Variants in LRBA observed in about 807,000 individuals in gnomAD.
LRBA encodes lipopolysaccharide-responsive and beige-like anchor protein.
LRBA carries 176 observed loss-of-function variants against 330.0 expected under a neutral mutation model. That is an observed-to-expected ratio of 0.53 (90% confidence interval 0.47 to 0.60). The LOEUF (loss-of-function observed/expected upper bound fraction) is 0.60. Ranked by LOEUF, LRBA falls within the 20% of genes least tolerant of loss-of-function variation. The probability of loss-of-function intolerance (pLI) is 0.00; values close to 1 mark genes in which losing one functional copy is unlikely to be tolerated. For missense variants in LRBA, 3,259 were observed against 3,444.8 expected (o/e 0.95, Z 1.35); for synonymous variants, 1,230 against 1,193.0 (o/e 1.03, Z -0.64).
intron 2 of LRBA, among the ~76,000 whole-genome samples, chr4:150,951,363 T>A (rs1050738109): frequency 1.3e-5 from 2 of 151,406 alleles, no homozygotes; most frequent in Non-Finnish European, 2.9e-5. Flanking sequence ...AGACTCAACA[T>A]CATCTTTTTA....
chr4:150,942,746 C>T (rs1735815384), intron 2 of LRBA, among the ~76,000 whole-genome samples: 2 of 152,092 alleles, frequency 1.3e-5, no homozygotes, highest in South Asian at 4.2e-4. Flanking sequence ...TCAATTATCA[C>T]ATCTAGCTGA....
chr4:150,382,975 C>T (rs1235765157), intron 47 of LRBA, among the ~76,000 whole-genome samples: 3 of 152,006 alleles, frequency 2.0e-5, no homozygotes, highest in Non-Finnish European at 4.4e-5. Context: ...TGAAATATGC[C>T]AAGATTATTT....
chr4:150,539,574 G>C (rs1765093286), intron 40 of LRBA, among the ~76,000 whole-genome samples: 2 of 152,154 alleles, frequency 1.3e-5, no homozygotes, highest in Admixed American at 1.3e-4. Context: ...GTCGAAAGGA[G>C]ATTCACAGTA....
At chr4:150,312,896 A>C (rs1453855656) in intron 51 of LRBA, among the ~76,000 whole-genome samples, 2 of 152,058 alleles carry the variant, frequency 1.3e-5, no homozygotes, top group Non-Finnish European at 2.9e-5. Flanking sequence ...ATCTATAAAA[A>C]CAAGTAAGAT....
intron 47 of LRBA, among the ~76,000 whole-genome samples, chr4:150,398,597 A>G (rs578185215): frequency 1.4e-3 from 213 of 152,182 alleles, no homozygotes; most frequent in African/African-American, 4.9e-3. Context: ...TCTTACACCT[A>G]AACATTTTAG....
At position 150,486,079 on chromosome 4, in the gene LRBA, G is replaced by A. The variant is rs77398679; in HGVS notation, c.6551+1653C>T. On this transcript the variant is annotated intron_variant, in intron 42 of 56. Coordinates refer to ENST00000651943, the MANE Select transcript of LRBA (RefSeq NM_001364905.1). ...AAATTGCTAAGAGAGTAGATCTTAAGTATTCTCACCACAGACACACACACA... is the reference window on the plus strand; with the variant it reads ...AAATTGCTAAGAGAGTAGATCTTAAATATTCTCACCACAGACACACACACA... Among the ~76,000 whole-genome samples the A allele has an allele frequency of 4.2e-3, 642 of 151,854 alleles. 3 individuals are homozygous for A. The highest frequency in any genetic ancestry group is 0.015 in the African/African-American group (621 of 41,476).
rs952906518 is a variant in LRBA at position 150,815,021 on chromosome 4, T to C, written c.5305+2103A>G. On this transcript the variant is annotated intron_variant, in intron 31 of 56. Transcript: ENST00000651943. The stretch of plus-strand genomic sequence containing the variant: ...ACTCCAAGACTTAAATTTTAAAGAA[T>C]AGACTTAAAAGCAATCAAAGGGTCC... Among the ~76,000 whole-genome samples, 6 of 152,026 alleles carry C rather than the reference T, an allele frequency of 3.9e-5. No individual in the cohort carries two copies. In the South Asian group the frequency reaches 8.3e-4, roughly 21 times the overall value.
intron 2 of LRBA, among the ~76,000 whole-genome samples, chr4:151,009,082 G>C (rs1441980025): frequency 1.5e-5 from 2 of 136,870 alleles, no homozygotes; most frequent in African/African-American, 2.8e-5. Flanking sequence ...GCACAGGCTG[G>C]TGTTGAACTT....
intron 17 of LRBA, among the ~76,000 whole-genome samples, chr4:150,884,831 T>A (rs1181700382): frequency 6.6e-6 from 1 of 151,930 alleles, no homozygotes; most frequent in African/African-American, 2.4e-5. Context: ...TAATCAAAAA[T>A]AACTTGTAAG....
rs191737101 is a variant in LRBA at position 150,827,910 on chromosome 4, G to A, written c.5171+270C>T. ...AGCCACTGCACCTGGCCTTCCTTATGATTTTCTTAATAACATGTTCTTTTT... is the reference window on the plus strand; with the variant it reads ...AGCCACTGCACCTGGCCTTCCTTATAATTTTCTTAATAACATGTTCTTTTT... On this transcript the variant is annotated intron_variant, in intron 30 of 56. Coordinates refer to ENST00000651943, the MANE Select transcript of LRBA (RefSeq NM_001364905.1). 1.2e-3 allele frequency among the ~76,000 whole-genome samples: 188 copies of A among 152,026 alleles called. 3 individuals carry two copies. The highest frequency in any genetic ancestry group is 4.4e-3 in the African/African-American group (183 of 41,470).
At chr4:150,911,406 AAG>A (rs138768076) in intron 9 of LRBA, among the ~76,000 whole-genome samples, 3,361 of 152,192 alleles carry the variant, frequency 0.022, 108 homozygotes, top group African/African-American at 0.076. Context: ...TAAATCAAGA[AAG>A]AGTGTTGAAT....
In LRBA at chr4:150,546,037, T is replaced by C. The variant is rs145566034; in HGVS notation, c.6330+42011A>G. Among the ~76,000 whole-genome samples, 32 of 152,302 alleles carry C rather than the reference T, an allele frequency of 2.1e-4. No homozygotes were observed. The East Asian group carries it at 5.2e-3, about 25-fold the overall frequency. ...AAAGCTCTGAAGGCATGTAAGAAAC[T>C]ACTGTAGTTAAAGCTTGAACAAGCA... On this transcript the variant is annotated intron_variant, in intron 40 of 56. Coordinates refer to ENST00000651943, the MANE Select transcript of LRBA (RefSeq NM_001364905.1).
chr4:150,891,531 G>GA (rs1729460516), intron 17 of LRBA, among the ~76,000 whole-genome samples: 1 of 152,140 alleles, frequency 6.6e-6, no homozygotes, highest in Admixed American at 6.5e-5. Context: ...AAGCCTAACA[G>GA]AAAAAAGCCT....
At chr4:150,754,957 C>T (rs1368084928) in intron 35 of LRBA, among the ~76,000 whole-genome samples, 3 of 152,156 alleles carry the variant, frequency 2.0e-5, no homozygotes, top group African/African-American at 7.2e-5. Context: ...TGTTTACTTA[C>T]GTGCAATAAA....
chr4:150,376,485 G>C (rs1484475994), intron 47 of LRBA, among the ~76,000 whole-genome samples: 1 of 152,152 alleles, frequency 6.6e-6, no homozygotes, highest in Admixed American at 6.5e-5. Flanking sequence ...CCTTCACTCA[G>C]CTTCCCCTAA....
chr4:150,490,929 A>T lies in LRBA; in HGVS notation c.6437T>A (p.Met2146Lys). Residue 2146 changes from methionine (M) to lysine (K), a missense_variant, in exon 41 of 57, where the codon ATG (methionine) becomes AAG (lysine). Transcript: ENST00000651943. ...LLQNTALEIF[M>K]ANRVAVMFNF... ...CTGTAACACATTACCTCTGTTTGCC[A>T]TAAAGATCTCCAGGGCTGTATTTTG... 1.3e-6 allele frequency: 2 copies of T among 1,599,240 alleles called. No individual in the cohort carries two copies. Among genetic ancestry groups the T allele is most frequent in the Non-Finnish European group, 1.7e-6 (2 of 1,168,274 alleles).
At chr4:150,655,973 C>T (rs1780149106) in intron 37 of LRBA, among the ~76,000 whole-genome samples, 1 of 152,092 alleles carries the variant, frequency 6.6e-6, no homozygotes, top group Non-Finnish European at 1.5e-5. Flanking sequence ...CATCGCAAAC[C>T]TAGTCTAACT....
chr4:150,663,797 C>T lies in LRBA; in HGVS notation c.5921+19754G>A, dbSNP rs533606602. 5.9e-5 allele frequency among the ~76,000 whole-genome samples: 9 copies of T among 152,110 alleles called. No individual in the cohort carries two copies. The South Asian group carries it at 1.5e-3, about 25-fold the overall frequency. On this transcript the variant is annotated intron_variant, in intron 37 of 56. Coordinates refer to ENST00000651943, the MANE Select transcript of LRBA (RefSeq NM_001364905.1). ...TGCTTTAATACTTGTATTTATCAAA[C>T]GCTATGAGAACACATATAAGCAAAG...
chr4:150,395,942 A>T (rs918054528), intron 47 of LRBA, among the ~76,000 whole-genome samples: 3 of 152,106 alleles, frequency 2.0e-5, no homozygotes, highest in African/African-American at 7.2e-5. Flanking sequence ...TGAAAAAAAA[A>T]TTTCCCTCAG....
Sources: allele counts gnomAD v4.1 joint callset (sites outside exome capture counted in the v4.1 genomes callset), GRCh38; gene constraint gnomAD v4.1.1; transcripts MANE v1.5; gene names NCBI Gene and HGNC (gene_info 2026-07-23, HGNC 2026-07-21).